Variants in RAB44 observed in about 807,000 individuals in gnomAD.
RAB44 encodes the protein ras-related protein Rab-44.
A neutral mutation model predicts 93.3 loss-of-function variants in RAB44; 67 were observed. That is an observed-to-expected ratio of 0.72 (90% CI 0.59 to 0.88). The LOEUF (loss-of-function observed/expected upper bound fraction) is 0.88, where lower values mean the gene tolerates loss of function less well. Ranked by LOEUF, RAB44 falls within the 40% of genes least tolerant of loss-of-function variation. The pLI is 0.00. For synonymous variants in RAB44, 427 were observed against 520.3 expected, an observed-to-expected ratio of 0.82 and a Z score of 2.44; for missense variants, 1,064 against 1,261.7, an observed-to-expected ratio of 0.84 and a Z score of 2.37.
At chr6:36,709,829 T>A (rs1762738296) in intron 2 of RAB44, among the ~76,000 whole-genome samples, 1 of 152,192 alleles carries the variant, frequency 6.6e-6, no homozygotes, top group Admixed American at 6.5e-5. Context: ...AGTGCTGGGA[T>A]TACAGGTGTG....
At chr6:36,701,942 G>C (rs1762518761) in intron 1 of RAB44, among the ~76,000 whole-genome samples, 1 of 148,978 alleles carries the variant, frequency 6.7e-6, no homozygotes, top group African/African-American at 2.5e-5. Context: ...TCACTTAAAG[G>C]AAACATATGG....
At position 36,722,421 on chromosome 6, in the gene RAB44, CA is replaced by C. The variant is rs1763114485; in HGVS notation, c.2290del (p.Thr764ProfsTer50). ...GAGAGPQEPT[Q>X]TPPTMAEQEA... Reference sequence around the variant, plus strand: ...TGGAGCAGGACCCCAGGAACCCACGCAAACCCCTCCCACCATGGCTGAGCAG... The same window carrying C: ...TGGAGCAGGACCCCAGGAACCCACGCAACCCCTCCCACCATGGCTGAGCAG... On this transcript the variant is annotated frameshift_variant, in exon 9 of 14. Coordinates refer to ENST00000612677, the MANE Select transcript of RAB44 (RefSeq NM_001257357.2). LOFTEE classifies it high-confidence loss of function. 1 of 1,419,508 alleles carries C rather than the reference CA, an allele frequency of 7.0e-7. No individual in the cohort carries two copies. Among genetic ancestry groups the C allele is most frequent in the Admixed American group, 2.9e-5 (1 of 34,450 alleles). 87.9% of individuals were successfully genotyped at this position (1,419,508 alleles called of 1,614,324 possible).
intron 1 of RAB44, among the ~76,000 whole-genome samples, chr6:36,699,464 C>T (rs1762461413): frequency 1.3e-5 from 2 of 152,276 alleles, no homozygotes; most frequent in African/African-American, 2.4e-5. Flanking sequence ...TTATCTTGCT[C>T]CCTTGGCCGT....
Position 36,721,286 on chromosome 6 carries a change from C to T in RAB44, c.1152C>T (p.Ala384=). ...ACTTTGGCAGCCCTCCGCACGGAGC[C>T]CTGCAGCTCTGCTGGAGCCCGCCCC... ...LSNFGSPPHG[A]LQLCWSPPPT... The change falls in exon 9 of 14, where the codon GCC becomes GCT. Residue 384 remains alanine (A), a synonymous_variant. Coordinates refer to ENST00000612677, the MANE Select transcript of RAB44 (RefSeq NM_001257357.2). The T allele has an allele frequency of 8.1e-7, 1 of 1,234,242 alleles. No homozygotes were observed. Among genetic ancestry groups the T allele is most frequent in the Non-Finnish European group, 1.0e-6 (1 of 988,110 alleles). 76.5% of individuals were successfully genotyped at this position (1,234,242 alleles called of 1,614,324 possible). A position where few individuals can be genotyped will look rare whatever the true frequency, so the allele number is the denominator to read the frequency against.
intron 2 of RAB44, among the ~76,000 whole-genome samples, chr6:36,709,384 C>T (rs747694394): frequency 5.3e-5 from 8 of 152,202 alleles, no homozygotes; most frequent in Admixed American, 2.0e-4. Context: ...AAACTTTCTA[C>T]GACATTCTAT....
intron 8 of RAB44, 88 bp from the exon 9 acceptor site, chr6:36,721,062 AG>A: frequency 4.2e-6 from 5 of 1,178,834 alleles, no homozygotes; most frequent in Non-Finnish European, 5.3e-6. Context: ...CCATGGGGAG[AG>A]CAAGGGATGG....
intron 2 of RAB44, among the ~76,000 whole-genome samples, chr6:36,712,941 CAG>C (rs908876018): frequency 4.2e-4 from 64 of 152,316 alleles, no homozygotes; most frequent in African/African-American, 1.1e-3. Context: ...ACTAGAGAAA[CAG>C]AGAATCAGCA....
rs187755117 is a variant in RAB44 at position 36,724,499 on chromosome 6, A to G, written c.2600-1363A>G. Among the ~76,000 whole-genome samples, 267 of 152,066 alleles carry G rather than the reference A, an allele frequency of 1.8e-3. 3 individuals are homozygous for G. The highest frequency in any genetic ancestry group is 6.2e-3 in the African/African-American group (255 of 41,460). ...TCACCTAAGCTACTGTTTACTGACC[A>G]CCTCCCATGCACTAGGCATCTTCCA... On this transcript the variant is annotated intron_variant, in intron 9 of 13. Transcript: ENST00000612677.
chr6:36,727,328 G>T (rs1398348233), intron 10 of RAB44, among the ~76,000 whole-genome samples: 1 of 152,198 alleles, frequency 6.6e-6, no homozygotes, highest in Non-Finnish European at 1.5e-5. Context: ...TCTGGGGAGG[G>T]GGACTGGGTG....
intron 1 of RAB44, among the ~76,000 whole-genome samples, chr6:36,702,616 TG>T (rs1762542157): frequency 6.6e-6 from 1 of 152,196 alleles, no homozygotes; most frequent in South Asian, 2.1e-4. Flanking sequence ...TCACACACAC[TG>T]TTTACTGCTT....
intron 6 of RAB44, 48 bp downstream of exon 6, chr6:36,718,166 T>C: frequency 8.5e-7 from 1 of 1,182,392 alleles, no homozygotes; most frequent in Non-Finnish European, 1.1e-6. Flanking sequence ...CCGGGACACC[T>C]CTGCTGGCTA....
At position 36,715,510 on chromosome 6, in the gene RAB44, C is replaced by A; in HGVS notation, c.351C>A (p.His117Gln). 5.9e-6 allele frequency: 9 copies of A among 1,536,162 alleles called. No individual in the cohort carries two copies. Among genetic ancestry groups the A allele is most frequent in the Non-Finnish European group, 7.8e-6 (9 of 1,146,910 alleles). Residue 117 changes from histidine to glutamine, a missense_variant, in exon 4 of 14, where the codon CAC becomes CAA. Transcript: ENST00000612677. ...TCTTTGGCTCCAGCCAGAGCCCCCA[C>A]AGGCTCCGCAGAAGGAAGCCACTGC... is the stretch of plus-strand genomic sequence containing the variant. The part of the protein sequence containing the change: ...KNIFGSSQSP[H>Q]RLRRRKPLPS...
intron 9 of RAB44, among the ~76,000 whole-genome samples, 186 bp from the exon 10 acceptor site, chr6:36,725,676 G>A (rs1280100582): frequency 6.6e-6 from 1 of 152,224 alleles, no homozygotes; most frequent in Non-Finnish European, 1.5e-5. Context: ...AGGGAGGTCT[G>A]GGAAGGCTTC....
chr6:36,702,735 C>T (rs1324832901), intron 1 of RAB44, among the ~76,000 whole-genome samples: 6 of 152,234 alleles, frequency 3.9e-5, no homozygotes, highest in Non-Finnish European at 5.9e-5. Context: ...CTTTATGGGC[C>T]CCAGACTTGT....
chr6:36,720,005 G>A (rs1254746458), intron 7 of RAB44, among the ~76,000 whole-genome samples: 2 of 152,204 alleles, frequency 1.3e-5, no homozygotes, highest in Non-Finnish European at 2.9e-5. Context: ...ATTTGCTGTT[G>A]GATCAGGAGC....
intron 2 of RAB44, 97 bp from the exon 3 acceptor site, chr6:36,713,731 G>C: frequency 1.3e-6 from 1 of 745,276 alleles, no homozygotes; most frequent in South Asian, 1.6e-5. Flanking sequence ...TTGGGGTGAG[G>C]TGAGGTAGGG....
chr6:36,707,148 C>T (rs1040782272), intron 2 of RAB44, among the ~76,000 whole-genome samples: 2 of 151,948 alleles, frequency 1.3e-5, no homozygotes, highest in African/African-American at 2.4e-5. Context: ...GGTGAAACCC[C>T]GTCTCTACTA....
At chr6:36,719,261 G>A (rs141552910) in intron 7 of RAB44, among the ~76,000 whole-genome samples, 89 of 152,242 alleles carry the variant, frequency 5.8e-4, no homozygotes, top group African/African-American at 2.0e-3. Flanking sequence ...AAGATTCCTC[G>A]AGCCGTCCTC....
intron 2 of RAB44, among the ~76,000 whole-genome samples, chr6:36,707,889 C>T (rs992456116): frequency 1.3e-5 from 2 of 152,106 alleles, no homozygotes; most frequent in Non-Finnish European, 2.9e-5. Flanking sequence ...TCCTGGGGTA[C>T]AATGCACAAC....
Sources: allele counts gnomAD v4.1 joint callset (sites outside exome capture counted in the v4.1 genomes callset), GRCh38; gene constraint gnomAD v4.1.1; transcripts MANE v1.5; gene names NCBI Gene and HGNC (gene_info 2026-07-23, HGNC 2026-07-21).